PDZD2: variants seen among roughly 807,000 people sequenced by gnomAD.
The protein encoded by PDZD2 is PDZ domain containing 2.
Under a neutral mutation model 220.7 loss-of-function variants are expected in PDZD2, and 90 were observed. The ratio of observed to expected loss-of-function variants is 0.41; its 90% CI spans 0.34 to 0.49. The LOEUF (loss-of-function observed/expected upper bound fraction) is 0.49. Among genes scored for constraint, PDZD2 ranks in the 20% least tolerant of loss-of-function variants. The pLI is 0.28. For synonymous variants in PDZD2, 1,375 were observed against 1,450.5 expected, an observed-to-expected ratio of 0.95 and a Z score of 1.18; for missense variants, 3,174 against 3,608.5, an observed-to-expected ratio of 0.88 and a Z score of 3.08.
At chr5:31,652,134 G>GT (rs775664005) in intron 1 of PDZD2, among the ~76,000 whole-genome samples, 1,722 of 111,880 alleles carry the variant, frequency 0.015, 27 homozygotes, top group African/African-American at 0.049. Context: ...TCTGGCCTGG[G>GT]TTTTTTTTTG....
intron 2 of PDZD2, among the ~76,000 whole-genome samples, chr5:31,838,977 C>T (rs1757109274): frequency 6.6e-6 from 1 of 152,174 alleles, no homozygotes; most frequent in Non-Finnish European, 1.5e-5. Context: ...CATCTCAGCA[C>T]GTGTCCCTCC....
At chr5:32,060,946 T>A in intron 13 of PDZD2, 56 bp from the exon 14 acceptor site, 1 of 1,584,580 alleles carries the variant, frequency 6.3e-7, no homozygotes, top group Non-Finnish European at 8.7e-7. Flanking sequence ...GAAGGCTATT[T>A]TAGCTTTAAG....
chr5:31,788,597 C>T (rs1346068875), intron 1 of PDZD2, among the ~76,000 whole-genome samples: 3 of 151,482 alleles, frequency 2.0e-5, no homozygotes, highest in South Asian at 4.2e-4. Flanking sequence ...ACCTGGGAGG[C>T]GGAGAGTGCA....
At chr5:31,690,852 A>G (rs1747090393) in intron 1 of PDZD2, among the ~76,000 whole-genome samples, 1 of 152,194 alleles carries the variant, frequency 6.6e-6, no homozygotes, top group African/African-American at 2.4e-5. Context: ...TTGGGGGGCC[A>G]CTGTCCAGCC....
chr5:31,909,569 A>G (rs1321677616), intron 2 of PDZD2, among the ~76,000 whole-genome samples: 1 of 152,174 alleles, frequency 6.6e-6, no homozygotes, highest in Non-Finnish European at 1.5e-5. Flanking sequence ...AAGAGCTACA[A>G]AAAGGTTTTT....
intron 17 of PDZD2, among the ~76,000 whole-genome samples, chr5:32,072,859 AT>A (rs1319637147): frequency 6.6e-6 from 1 of 152,142 alleles, no homozygotes; most frequent in African/African-American, 2.4e-5. Flanking sequence ...GTAGTCTTGA[AT>A]TTTATGGCAT....
At chr5:31,795,566 G>A (rs1486564049) in intron 1 of PDZD2, among the ~76,000 whole-genome samples, 5 of 152,180 alleles carry the variant, frequency 3.3e-5, no homozygotes, top group African/African-American at 1.2e-4. Context: ...TTCAGGATGG[G>A]AAGCTTGTAG....
At chr5:31,858,150 G>C (rs1451786491) in intron 2 of PDZD2, among the ~76,000 whole-genome samples, 1 of 151,432 alleles carries the variant, frequency 6.6e-6, no homozygotes, top group African/African-American at 2.4e-5. Flanking sequence ...TTTAGTAGAG[G>C]CGGGGTTTCA....
At chr5:31,931,344 G>A (rs2150391986) in intron 2 of PDZD2, among the ~76,000 whole-genome samples, 1 of 152,244 alleles carries the variant, frequency 6.6e-6, no homozygotes, top group East Asian at 1.9e-4. Context: ...TTTTAGTAGA[G>A]ACGGGGTTTC....
intron 2 of PDZD2, among the ~76,000 whole-genome samples, chr5:31,966,487 AT>A (rs1359295856): frequency 6.6e-6 from 1 of 152,222 alleles, no homozygotes; most frequent in Non-Finnish European, 1.5e-5. Context: ...ATGCCTCTGC[AT>A]TTTCCTGTCT....
chr5:32,063,334 T>C (rs1254318779), intron 14 of PDZD2, among the ~76,000 whole-genome samples: 1 of 152,200 alleles, frequency 6.6e-6, no homozygotes, highest in Non-Finnish European at 1.5e-5. Flanking sequence ...ACGCCCGGTC[T>C]GAGAATGATT....
At chr5:32,107,060 T>G (rs753099493) in intron 24 of PDZD2, among the ~76,000 whole-genome samples, 12 of 152,218 alleles carry the variant, frequency 7.9e-5, no homozygotes, top group Admixed American at 3.3e-4. Flanking sequence ...TCTTTTGAGG[T>G]CTAATCAAAA....
chr5:32,107,865 T>C (rs552670555), intron 24 of PDZD2, 104 bp from the exon 25 acceptor site: 3 of 635,764 alleles, frequency 4.7e-6, no homozygotes, highest in South Asian at 5.5e-5. Flanking sequence ...TTCAATAATA[T>C]ATTATTTAGA....
chr5:32,025,274 C>T (rs1030626598), intron 6 of PDZD2, among the ~76,000 whole-genome samples: 2 of 152,048 alleles, frequency 1.3e-5, no homozygotes, highest in African/African-American at 2.4e-5. Context: ...ATCTGTAATC[C>T]CAGCACTTTG....
chr5:32,046,482 A>T (rs920432154), intron 7 of PDZD2, among the ~76,000 whole-genome samples: 1 of 152,144 alleles, frequency 6.6e-6, no homozygotes, highest in African/African-American at 2.4e-5. Context: ...AGCTCAGGCG[A>T]TCGGCCCACC....
chr5:32,098,561 C>T lies in PDZD2; in HGVS notation c.8145C>T (p.Ala2715=). 6.2e-7 allele frequency: 1 copy of T among 1,614,082 alleles called. No individual in the cohort carries two copies. The highest frequency in any genetic ancestry group is 8.5e-7 in the Non-Finnish European group (1 of 1,179,944). The part of the protein sequence containing the change: ...KKGMDQPRPS[A]RQEPPTANGK... ...GGATGGATCAGCCCAGGCCCTCTGC[C>T]CGGCAGGAGCCTCCCACAGCCAATG... Residue 2715 remains alanine (A), a synonymous_variant, in exon 23 of 25, where the codon GCC becomes GCT. Coordinates refer to ENST00000438447, the MANE Select transcript of PDZD2 (RefSeq NM_178140.4). The surrounding 1 kb of genome is among the most constrained non-coding windows in gnomAD (Gnocchi z 4.1).
intron 2 of PDZD2, among the ~76,000 whole-genome samples, chr5:31,855,642 C>T (rs1272037078): frequency 6.6e-6 from 1 of 152,248 alleles, no homozygotes; most frequent in Non-Finnish European, 1.5e-5. Context: ...CGGAGCAAAG[C>T]TGCTTTCTCT....
At chr5:31,669,877 T>C (rs1416325635) in intron 1 of PDZD2, among the ~76,000 whole-genome samples, 1 of 152,172 alleles carries the variant, frequency 6.6e-6, no homozygotes, top group Non-Finnish European at 1.5e-5. Context: ...ATAGTAATAA[T>C]AATGTTGAGA....
rs767899681 is a variant in PDZD2, at chr5:32,061,114, G to A, written c.2431G>A (p.Gly811Ser). 6 of 1,614,002 alleles carry A rather than the reference G, an allele frequency of 3.7e-6. No individual in the cohort carries two copies. Among genetic ancestry groups the A allele is most frequent in the Non-Finnish European group, 5.1e-6 (6 of 1,180,028 alleles). ...TCCAGGACCCGTTCGCCTTGTCATC[G>A]GCCGGCACCCTAATCCAAAGGTGAG... The part of the protein sequence containing the change: ...CPPGPVRLVI[G>S]RHPNPKVSEQ... The change falls in exon 14 of 25, where the codon GGC (glycine) becomes AGC (serine). Residue 811 changes from glycine (G) to serine (S), a missense_variant. By Grantham distance (56) the Gly-to-Ser change is moderately conservative. Transcript: ENST00000438447.
Sources: allele counts gnomAD v4.1 joint callset (sites outside exome capture counted in the v4.1 genomes callset), GRCh38; gene constraint gnomAD v4.1.1; non-coding constraint Gnocchi (gnomAD v3.1); transcripts MANE v1.5; gene names NCBI Gene and HGNC (gene_info 2026-07-23, HGNC 2026-07-21).